MRPL30: variants seen among roughly 807,000 people sequenced by gnomAD.
MRPL30 encodes mitochondrial ribosomal protein L30.
Under a neutral mutation model 17.2 loss-of-function variants are expected in MRPL30, and 10 were observed. The ratio of observed to expected loss-of-function variants is 0.58; its 90% CI spans 0.36 to 0.99. The LOEUF (loss-of-function observed/expected upper bound fraction) is 0.99. Ranked by LOEUF, MRPL30 falls within the 50% of genes least tolerant of loss-of-function variation. The probability of loss-of-function intolerance (pLI) is 0.01; values close to 1 mark genes in which losing one functional copy is unlikely to be tolerated. For synonymous variants in MRPL30, 61 were observed against 62.1 expected (o/e 0.98, Z 0.08); for missense variants, 170 against 189.8 (o/e 0.90, Z 0.61).
At chr2:99,190,241 C>G (rs899553423) in intron 3 of MRPL30, among the ~76,000 whole-genome samples, 3 of 152,158 alleles carry the variant, frequency 2.0e-5, no homozygotes, top group Non-Finnish European at 4.4e-5. Flanking sequence ...TACTTTGATA[C>G]CTTTAATGTG....
At chr2:99,182,939 A>G (rs2093927818) in intron 1 of MRPL30, among the ~76,000 whole-genome samples, 1 of 152,244 alleles carries the variant, frequency 6.6e-6, no homozygotes, top group Non-Finnish European at 1.5e-5. Flanking sequence ...AAGTTACGTT[A>G]GAAGATAAGC....
intron 1 of MRPL30, among the ~76,000 whole-genome samples, chr2:99,181,771 T>C (rs2093922660): frequency 6.6e-6 from 1 of 152,184 alleles, no homozygotes; most frequent in Non-Finnish European, 1.5e-5. Flanking sequence ...TTCTGCCCTT[T>C]TTGCCAAGAG....
In MRPL30 at chr2:99,197,963, A is replaced by G. The variant is rs1426857309; in HGVS notation, c.*2258A>G. On this transcript the variant is annotated 3_prime_UTR_variant, in exon 6 of 6. Transcript: ENST00000338148. ...CTGGCCTTACTGTACTAATATTAAT[A>G]TTGTGTAAATAGGGGAAAATACCAT... Among the ~76,000 whole-genome samples the G allele has an allele frequency of 6.6e-6, 1 of 152,132 alleles. No individual in the cohort carries two copies. Among genetic ancestry groups the G allele is most frequent in the African/African-American group, 2.4e-5 (1 of 41,432 alleles).
chr2:99,195,360 G>C (rs1397320675), intron 5 of MRPL30, 171 bp downstream of exon 5: 2 of 730,612 alleles, frequency 2.7e-6, no homozygotes, highest in African/African-American at 3.7e-5. Flanking sequence ...GGTACATAGT[G>C]ACGTTTCAAT....
rs529442099 is a variant in MRPL30, at chr2:99,198,423, C to T, written c.*2718C>T. On this transcript the variant is annotated 3_prime_UTR_variant, in exon 6 of 6. Coordinates refer to ENST00000338148, the MANE Select transcript of MRPL30 (RefSeq NM_145212.4). ...CATGGCAAGTTGCTTCTTCCAAAACCAGCATTGGAGACAGACTAGCAAGAT... is the reference window on the plus strand; with the variant it reads ...CATGGCAAGTTGCTTCTTCCAAAACTAGCATTGGAGACAGACTAGCAAGAT... Among the ~76,000 whole-genome samples, 1 of 152,184 alleles carries T rather than the reference C, an allele frequency of 6.6e-6. No individual in the cohort carries two copies. The highest frequency in any genetic ancestry group is 1.5e-5 in the Non-Finnish European group (1 of 68,038).
At chr2:99,191,441 C>G (rs576968078) in intron 3 of MRPL30, among the ~76,000 whole-genome samples, 1 of 152,098 alleles carries the variant, frequency 6.6e-6, no homozygotes, top group Non-Finnish European at 1.5e-5. Context: ...TCCAAACAAC[C>G]AAATAAAAAA....
At position 99,189,168 on chromosome 2, in the gene MRPL30, C is replaced by T. The variant is rs540667005; in HGVS notation, c.132+911C>T. Among the ~76,000 whole-genome samples the T allele has an allele frequency of 9.8e-5, 15 of 152,320 alleles. No homozygotes were observed. The South Asian group carries it at 3.1e-3, about 32-fold the overall frequency. ...ATTATTAACTAAATACCATAGTTTA[C>T]ACTAGTGTTCAGTCTTCATGTTGTG... On this transcript the variant is annotated intron_variant, in intron 3 of 5. Coordinates refer to ENST00000338148, the MANE Select transcript of MRPL30 (RefSeq NM_145212.4).
chr2:99,191,380 C>CTT (rs1453114584), intron 3 of MRPL30, among the ~76,000 whole-genome samples: 1 of 152,192 alleles, frequency 6.6e-6, no homozygotes, highest in African/African-American at 2.4e-5. Flanking sequence ...ACTTGGATAA[C>CTT]TTATAGGTAT....
chr2:99,196,386 G>A lies in MRPL30; in HGVS notation c.*681G>A, dbSNP rs1559192566. The stretch of plus-strand genomic sequence containing the variant: ...CATGATTTCAGTTCACTGCAGCCTC[G>A]ACCTCCCAGGCTCAAGTGATCCTCC... On this transcript the variant is annotated 3_prime_UTR_variant, in exon 6 of 6. Coordinates refer to ENST00000338148, the MANE Select transcript of MRPL30 (RefSeq NM_145212.4). The A allele has an allele frequency of 1.3e-5, 2 of 152,270 alleles. No individual in the cohort carries two copies. Among genetic ancestry groups the A allele is most frequent in the South Asian group, 4.1e-4 (2 of 4,830 alleles). 9.4% of individuals were successfully genotyped at this position (152,270 alleles called of 1,614,324 possible).
chr2:99,185,721 A>T, intron 1 of MRPL30: 1 of 426,528 alleles, frequency 2.3e-6, no homozygotes, highest in Non-Finnish European at 4.7e-6. Context: ...CACAAACTTT[A>T]TTGATAGCTG....
intron 2 of MRPL30, among the ~76,000 whole-genome samples, chr2:99,187,667 T>C (rs1167266053): frequency 6.6e-6 from 1 of 151,468 alleles, no homozygotes; most frequent in Non-Finnish European, 1.5e-5. Flanking sequence ...CTACTAAAAA[T>C]ACAAAAAAAA....
At chr2:99,181,552 T>C (rs577570240) in intron 1 of MRPL30, among the ~76,000 whole-genome samples, 33 of 151,564 alleles carry the variant, frequency 2.2e-4, no homozygotes, top group Admixed American at 5.9e-4. Flanking sequence ...CAGCATTTTC[T>C]GTGCTGCTGC....
intron 5 of MRPL30, 160 bp downstream of exon 5, chr2:99,195,349 G>C (rs560389961): frequency 2.8e-4 from 213 of 760,820 alleles, no homozygotes; most frequent in Non-Finnish European, 3.6e-4. Context: ...CATATTTATG[G>C]GGTACATAGT....
chr2:99,195,297 A>T lies in MRPL30; in HGVS notation c.353+108A>T, dbSNP rs943397947. ...TGAAAAAAACTTTTTAAAAAACTAA[A>T]ATTTTATTTTGTTTTTTTTTAATTG... On this transcript the variant is annotated intron_variant, in intron 5 of 5. Coordinates refer to ENST00000338148, the MANE Select transcript of MRPL30 (RefSeq NM_145212.4). 78 of 1,107,572 alleles carry T rather than the reference A, an allele frequency of 7.0e-5. No individual in the cohort carries two copies. The African/African-American group carries it at 1.1e-3, about 16-fold the overall frequency. The allele number at this position is 1,107,572 out of a possible 1,614,324, so 68.6% of individuals were successfully genotyped here.
intron 3 of MRPL30, among the ~76,000 whole-genome samples, chr2:99,193,148 C>G (rs1369986103): frequency 1.3e-5 from 2 of 152,028 alleles, no homozygotes; most frequent in Non-Finnish European, 2.9e-5. Flanking sequence ...ACAATCCCAT[C>G]AAAAAGTGGG....
chr2:99,194,194 C>G (rs1274833909), intron 3 of MRPL30, among the ~76,000 whole-genome samples: 1 of 152,142 alleles, frequency 6.6e-6, no homozygotes, highest in East Asian at 1.9e-4. Flanking sequence ...TTAGAATACA[C>G]ATCCTTATTC....
intron 1 of MRPL30, among the ~76,000 whole-genome samples, chr2:99,181,905 G>GT (rs1490677394): frequency 6.6e-6 from 1 of 151,630 alleles, no homozygotes; most frequent in Non-Finnish European, 1.5e-5. Context: ...TTTCAGAAGT[G>GT]TTTTTCCCCC....
Position 99,195,103 on chromosome 2 carries a change from T to C in MRPL30, c.280-13T>C. 1.9e-6 allele frequency: 3 copies of C among 1,571,482 alleles called. No homozygotes were observed. The highest frequency in any genetic ancestry group is 2.6e-6 in the Non-Finnish European group (3 of 1,164,162). Reference sequence around the variant, plus strand: ...TCAGATTGATAACGTTGCTTTGTTGTTGTTGTTCACAGGCACATACCCCTC... The same window carrying C: ...TCAGATTGATAACGTTGCTTTGTTGCTGTTGTTCACAGGCACATACCCCTC... On this transcript the variant is annotated splice_polypyrimidine_tract_variant and intron_variant, in intron 4 of 5. Coordinates refer to ENST00000338148, the MANE Select transcript of MRPL30 (RefSeq NM_145212.4).
chr2:99,181,237 T>C lies in MRPL30; in HGVS notation c.-40T>C. ...CGGAGGAAAATTTCAGGCTGAAGGT[T>C]TAGCGGGTGCCGGTGAGTGGGGAAT... is the stretch of plus-strand genomic sequence containing the variant. On this transcript the variant is annotated 5_prime_UTR_variant, in exon 1 of 6. Transcript: ENST00000338148. 1 of 459,054 alleles carries C rather than the reference T, an allele frequency of 2.2e-6. No homozygotes were observed. The highest frequency in any genetic ancestry group is 3.9e-6 in the Non-Finnish European group (1 of 258,520). The allele number at this position is 459,054 out of a possible 1,614,324, so 28.4% of individuals were successfully genotyped here.
Sources: gnomAD v4.1 joint callset for allele counts (sites outside exome capture counted in the v4.1 genomes callset) on GRCh38, gnomAD v4.1.1 for gene constraint, MANE v1.5 for transcripts, NCBI Gene and HGNC (gene_info 2026-07-23, HGNC 2026-07-21) for gene names.